RNGTT: variants seen among roughly 807,000 people sequenced by gnomAD.
The protein encoded by RNGTT is RNA guanylyltransferase and 5'-phosphatase.
RNGTT carries 33 observed loss-of-function variants against 79.3 expected under a neutral mutation model. That is an observed-to-expected ratio of 0.42 (90% CI 0.32 to 0.56). The LOEUF is 0.56. Ranked by LOEUF, RNGTT falls within the 20% of genes least tolerant of loss-of-function variation. The pLI is 0.17. For synonymous variants in RNGTT, 222 were observed against 235.9 expected (o/e 0.94, Z 0.54); for missense variants, 497 against 739.1 (o/e 0.67, Z 3.80).
intron 14 of RNGTT, among the ~76,000 whole-genome samples, chr6:88,655,402 A>C (rs1034545127): frequency 6.6e-6 from 1 of 152,226 alleles, no homozygotes; most frequent in Non-Finnish European, 1.5e-5. Context: ...AAATGAAGAG[A>C]TAAGTATTTC....
intron 7 of RNGTT, among the ~76,000 whole-genome samples, chr6:88,890,968 A>G (rs1262636469): frequency 2.6e-5 from 4 of 152,050 alleles, no homozygotes; most frequent in Admixed American, 6.5e-5. Flanking sequence ...TATTTCCCCA[A>G]CGTGAGACTG....
At chr6:88,748,993 A>C (rs1179128165) in intron 13 of RNGTT, among the ~76,000 whole-genome samples, 4 of 152,140 alleles carry the variant, frequency 2.6e-5, no homozygotes, top group Non-Finnish European at 5.9e-5. Context: ...TGGGGTAAGA[A>C]GACAACTATA....
At chr6:88,717,855 G>T (rs1776573726) in intron 13 of RNGTT, among the ~76,000 whole-genome samples, 1 of 152,134 alleles carries the variant, frequency 6.6e-6, no homozygotes. Flanking sequence ...GAAGCTAGAT[G>T]TCCATCCTCT....
chr6:88,774,283 C>T (rs1278498326), intron 12 of RNGTT, among the ~76,000 whole-genome samples: 3 of 151,414 alleles, frequency 2.0e-5, no homozygotes, highest in South Asian at 2.1e-4. Context: ...TTCATACTAA[C>T]TAGGGTGACT....
At chr6:88,660,948 C>T (rs114627179) in intron 14 of RNGTT, among the ~76,000 whole-genome samples, 2,337 of 152,142 alleles carry the variant, frequency 0.015, 60 homozygotes, top group African/African-American at 0.054. Context: ...TTTAAGATAA[C>T]TGAAATTATA....
At chr6:88,819,123 T>C (rs1362634536) in intron 11 of RNGTT, among the ~76,000 whole-genome samples, 1 of 152,214 alleles carries the variant, frequency 6.6e-6, no homozygotes, top group African/African-American at 2.4e-5. Context: ...CTAGAAAAAA[T>C]TATTTAATGT....
At chr6:88,854,233 A>C (rs1489967308) in intron 8 of RNGTT, among the ~76,000 whole-genome samples, 1 of 152,078 alleles carries the variant, frequency 6.6e-6, no homozygotes, top group Non-Finnish European at 1.5e-5. Context: ...CCTAGTCCAC[A>C]AATAATAATT....
At chr6:88,955,154 T>C (rs1296889135) in intron 1 of RNGTT, among the ~76,000 whole-genome samples, 2 of 152,192 alleles carry the variant, frequency 1.3e-5, no homozygotes, top group Non-Finnish European at 2.9e-5. Flanking sequence ...GAAATAAAGA[T>C]GGAAATTTAA....
chr6:88,865,375 G>C (rs2127916644), intron 8 of RNGTT, among the ~76,000 whole-genome samples: 1 of 152,120 alleles, frequency 6.6e-6, no homozygotes, highest in East Asian at 1.9e-4. Context: ...GAATAAAACA[G>C]AAAGGATTAG....
intron 6 of RNGTT, among the ~76,000 whole-genome samples, chr6:88,903,050 A>G (rs1349413263): frequency 6.6e-6 from 1 of 152,186 alleles, no homozygotes; most frequent in Non-Finnish European, 1.5e-5. Flanking sequence ...TCAACAAGCA[A>G]TGGGTTGGGG....
intron 13 of RNGTT, among the ~76,000 whole-genome samples, chr6:88,749,011 C>G (rs1178453616): frequency 6.6e-6 from 1 of 151,988 alleles, no homozygotes; most frequent in African/African-American, 2.4e-5. Flanking sequence ...ATACGAACAG[C>G]TGATTTGTCG....
chr6:88,881,238 A>G (rs1345036529), intron 8 of RNGTT, among the ~76,000 whole-genome samples: 3 of 152,198 alleles, frequency 2.0e-5, no homozygotes, highest in African/African-American at 4.8e-5. Context: ...AAGACATAGT[A>G]AAGCGACTAT....
At position 88,832,928 on chromosome 6, in the gene RNGTT, G is replaced by C. The variant is rs112681107; in HGVS notation, c.1269+11429C>G. Reference sequence around the variant, plus strand: ...ATCATTAAAAAGTCAGGAAACAACAGATGCTGGAGAGGATATGGAGAAATA... The same window carrying C: ...ATCATTAAAAAGTCAGGAAACAACACATGCTGGAGAGGATATGGAGAAATA... On this transcript the variant is annotated intron_variant, in intron 11 of 15. Coordinates refer to ENST00000369485, the MANE Select transcript of RNGTT (RefSeq NM_003800.5). 3.6e-3 allele frequency among the ~76,000 whole-genome samples: 541 copies of C among 152,284 alleles called. 9 individuals carry two copies. The highest frequency in any genetic ancestry group is 0.013 in the African/African-American group (524 of 41,552).
In RNGTT at chr6:88,610,263, C is replaced by T. The variant is rs189414496; in HGVS notation, c.*2456G>A. The T allele has an allele frequency of 5.2e-5, 8 of 152,760 alleles. 1 individual carries two copies. The highest frequency in any genetic ancestry group is 4.6e-4 in the Admixed American group (7 of 15,298). The allele number at this position is 152,760 out of a possible 1,614,324, so 9.5% of individuals were successfully genotyped here. A position where few individuals can be genotyped will look rare whatever the true frequency, so the allele number is the denominator to read the frequency against. ...TATCACCAGTAAAACAAAGTAGATA[C>T]ACTTATGCTAATTTAAATCAGTAGT... On this transcript the variant is annotated 3_prime_UTR_variant, in exon 16 of 16. Coordinates refer to ENST00000369485, the MANE Select transcript of RNGTT (RefSeq NM_003800.5).
At chr6:88,844,241 C>A (rs1275252721) in intron 11 of RNGTT, 116 bp downstream of exon 11, 1 of 953,178 alleles carries the variant, frequency 1.0e-6, no homozygotes, top group East Asian at 2.6e-5. Context: ...ATACCCAATT[C>A]GAGTATTTTC....
At chr6:88,896,388 G>A (rs929412218) in intron 6 of RNGTT, among the ~76,000 whole-genome samples, 68 of 152,084 alleles carry the variant, frequency 4.5e-4, no homozygotes, top group African/African-American at 1.6e-3. Flanking sequence ...TTTGGAATTG[G>A]GATTCCGAGA....
chr6:88,765,429 T>C (rs1562241090), intron 13 of RNGTT, among the ~76,000 whole-genome samples: 1 of 152,206 alleles, frequency 6.6e-6, no homozygotes, highest in South Asian at 2.1e-4. Context: ...TTGAGTTTTA[T>C]GCTGAATTTA....
chr6:88,773,160 G>A (rs2127844991), intron 12 of RNGTT, among the ~76,000 whole-genome samples: 1 of 151,254 alleles, frequency 6.6e-6, no homozygotes, highest in Admixed American at 6.6e-5. Context: ...ATGAGTTCAT[G>A]CCCTTTGTAG....
intron 12 of RNGTT, among the ~76,000 whole-genome samples, chr6:88,787,732 G>T (rs1420020257): frequency 2.0e-5 from 3 of 152,062 alleles, no homozygotes; most frequent in Non-Finnish European, 4.4e-5. Flanking sequence ...GACTGGTTAG[G>T]ATGCCACTGT....
Sources: allele counts gnomAD v4.1 joint callset (sites outside exome capture counted in the v4.1 genomes callset), GRCh38; gene constraint gnomAD v4.1.1; transcripts MANE v1.5; gene names NCBI Gene and HGNC (gene_info 2026-07-23, HGNC 2026-07-21).